Variants in LRP1B observed in about 807,000 individuals in gnomAD.
LRP1B encodes LDL receptor related protein 1B.
Under a neutral mutation model 556.6 loss-of-function variants are expected in LRP1B, and 217 were observed. The observed-to-expected ratio is 0.39, with a 90% CI of 0.35 to 0.44. The LOEUF is 0.44. Among genes scored for constraint, LRP1B ranks in the 20% least tolerant of loss-of-function variants. LRP1B has a pLI of 1.00. For synonymous variants in LRP1B, 2,047 were observed against 1,865.8 expected, an observed-to-expected ratio of 1.10 and a Z score of -2.50; for missense variants, 5,053 against 5,620.8, an observed-to-expected ratio of 0.90 and a Z score of 3.23.
intron 15 of LRP1B, among the ~76,000 whole-genome samples, chr2:140,995,734 G>A: frequency 6.6e-6 from 1 of 152,002 alleles, no homozygotes; most frequent in East Asian, 1.9e-4. Context: ...GTTCTAGAAG[G>A]ATTATGTTAA....
At chr2:140,769,095 C>T (rs912726933) in intron 35 of LRP1B, 118 bp downstream of exon 35, 3 of 911,206 alleles carry the variant, frequency 3.3e-6, no homozygotes, top group Non-Finnish European at 4.9e-6. Flanking sequence ...TATCTATTTG[C>T]TGCTTTCTTA....
Position 140,335,706 on chromosome 2 carries a change from T to C in LRP1B, c.12025A>G (p.Asn4009Asp). The C allele has an allele frequency of 6.2e-7, 1 of 1,612,592 alleles. No individual in the cohort carries two copies. Among genetic ancestry groups the C allele is most frequent in the Non-Finnish European group, 8.5e-7 (1 of 1,178,910 alleles). ...TTGGGGCCATTCAGCTGCCCTACGT[T>C]GATAGAGTACCTCAGACTGGTCCAG... ...THWTSLRYSINVGQLNGPNCT... is the reference protein window; with the variant it reads ...THWTSLRYSIDVGQLNGPNCT... Residue 4009 changes from asparagine (N) to aspartate (D), a missense_variant, in exon 78 of 91, where the codon AAC (asparagine) becomes GAC (aspartate). Coordinates refer to ENST00000389484, the MANE Select transcript of LRP1B (RefSeq NM_018557.3).
intron 43 of LRP1B, among the ~76,000 whole-genome samples, chr2:140,556,110 G>A (rs1446690151): frequency 6.6e-6 from 1 of 151,918 alleles, no homozygotes; most frequent in Non-Finnish European, 1.5e-5. Flanking sequence ...GTCTCCAACG[G>A]GGCTCAGGAC....
At chr2:141,736,113 G>C (rs1258971525) in intron 2 of LRP1B, among the ~76,000 whole-genome samples, 1 of 152,068 alleles carries the variant, frequency 6.6e-6, no homozygotes, top group East Asian at 1.9e-4. Context: ...AAAGAATAGA[G>C]GCTAAGTGAC....
At chr2:141,432,599 CTT>C (rs1680600997) in intron 3 of LRP1B, among the ~76,000 whole-genome samples, 1 of 106,912 alleles carries the variant, frequency 9.4e-6, no homozygotes, top group African/African-American at 3.2e-5. Context: ...AATTCAACCT[CTT>C]TAGTCTATTC....
At chr2:141,156,293 C>T (rs1001325325) in intron 7 of LRP1B, among the ~76,000 whole-genome samples, 7 of 152,108 alleles carry the variant, frequency 4.6e-5, no homozygotes, top group African/African-American at 1.2e-4. Context: ...CGATCCCTCT[C>T]AAGTGTCAGT....
chr2:141,963,000 T>A (rs961048800), intron 1 of LRP1B, among the ~76,000 whole-genome samples: 18 of 151,872 alleles, frequency 1.2e-4, no homozygotes, highest in Non-Finnish European at 2.1e-4. Flanking sequence ...ATACTTTTTT[T>A]AATCTAAAAT....
intron 77 of LRP1B, among the ~76,000 whole-genome samples, chr2:140,337,965 A>G (rs1231194694): frequency 6.6e-6 from 1 of 151,748 alleles, no homozygotes; most frequent in Non-Finnish European, 1.5e-5. Context: ...ATTTAGTGAT[A>G]CTTTTTCAAG....
intron 3 of LRP1B, among the ~76,000 whole-genome samples, chr2:141,440,198 G>A (rs1282853394): frequency 1.3e-5 from 2 of 152,190 alleles, no homozygotes; most frequent in African/African-American, 4.8e-5. Flanking sequence ...GCAAAGGCGA[G>A]GAGTGACATA....
chr2:141,076,233 C>T (rs776632699), intron 7 of LRP1B, among the ~76,000 whole-genome samples: 18 of 152,170 alleles, frequency 1.2e-4, no homozygotes, highest in Non-Finnish European at 2.5e-4. Flanking sequence ...GTCCTCACTC[C>T]ACTGGCAAAA....
At chr2:140,442,364 G>C (rs1686466964) in intron 66 of LRP1B, 140 bp downstream of exon 66, 1 of 1,066,310 alleles carries the variant, frequency 9.4e-7, no homozygotes, top group Non-Finnish European at 1.3e-6. Context: ...AAGTTTTTAT[G>C]AATCTGTGAA....
At position 141,936,054 on chromosome 2, in the gene LRP1B, G is replaced by A. The variant is rs564898403; in HGVS notation, c.83-125653C>T. Among the ~76,000 whole-genome samples, 424 of 152,166 alleles carry A rather than the reference G, an allele frequency of 2.8e-3. 1 individual carries two copies. The highest frequency in any genetic ancestry group is 4.8e-3 in the Non-Finnish European group (325 of 67,984). On this transcript the variant is annotated intron_variant, in intron 1 of 90. Transcript: ENST00000389484. ...TGTTAATAACACTGTAGCAAAAAAA[G>A]GAGTGGAAAGGAATTTCTCTAAACA...
chr2:140,850,082 A>T lies in LRP1B; in HGVS notation c.4939+20T>A. 1 of 1,440,290 alleles carries T rather than the reference A, an allele frequency of 6.9e-7. No homozygotes were observed. Among genetic ancestry groups the T allele is most frequent in the Non-Finnish European group, 9.7e-7 (1 of 1,026,074 alleles). 89.2% of individuals were successfully genotyped at this position (1,440,290 alleles called of 1,614,324 possible). A position where few individuals can be genotyped will look rare whatever the true frequency, so the allele number is the denominator to read the frequency against. On this transcript the variant is annotated intron_variant, in intron 29 of 90. Transcript: ENST00000389484. Reference sequence around the variant, plus strand: ...GAATAACAAACACTTTTAAAGTTGTAACATGTACGAATCTTTTACCTCTTG... The same window carrying T: ...GAATAACAAACACTTTTAAAGTTGTTACATGTACGAATCTTTTACCTCTTG...
At position 140,989,482 on chromosome 2, in the gene LRP1B, T is replaced by A. The variant is rs144901601; in HGVS notation, c.2770+50A>T. The A allele has an allele frequency of 3.1e-3, 5,000 of 1,604,432 alleles. 17 individuals are homozygous for A. Among genetic ancestry groups the A allele is most frequent in the Non-Finnish European group, 3.9e-3 (4,624 of 1,174,438 alleles). On this transcript the variant is annotated intron_variant, in intron 17 of 90. Transcript: ENST00000389484. ...TCAAAGCATTTACTTGCATTTTTAT[T>A]AAGACTAACTTTGGAGGAGATTTAC... is the stretch of plus-strand genomic sequence containing the variant.
intron 3 of LRP1B, among the ~76,000 whole-genome samples, chr2:141,329,650 A>AAAAAAAAACAAAAC (rs1553497005): frequency 0.025 from 1,011 of 40,466 alleles, 13 homozygotes; most frequent in African/African-American, 0.11. Context: ...TCTCAAAAAA[A>AAAAAAAAACAAAAC]AAAAAAAAAA....
intron 43 of LRP1B, among the ~76,000 whole-genome samples, chr2:140,591,205 G>A (rs1423838569): frequency 6.6e-6 from 1 of 152,124 alleles, no homozygotes; most frequent in Non-Finnish European, 1.5e-5. Flanking sequence ...ACAACAAAAC[G>A]TCCGATATCC....
chr2:140,785,374 C>A (rs1217765355), intron 32 of LRP1B, among the ~76,000 whole-genome samples: 1 of 152,034 alleles, frequency 6.6e-6, no homozygotes, highest in African/African-American at 2.4e-5. Flanking sequence ...TCCTGCGTGA[C>A]AATGATTAGA....
At chr2:142,043,290 G>A (rs901757092) in intron 1 of LRP1B, among the ~76,000 whole-genome samples, 1 of 151,448 alleles carries the variant, frequency 6.6e-6, no homozygotes, top group African/African-American at 2.4e-5. Flanking sequence ...CAAATTCCTA[G>A]TGCATAGAAT....
At chr2:141,305,595 T>C (rs1418262435) in intron 3 of LRP1B, among the ~76,000 whole-genome samples, 1 of 152,190 alleles carries the variant, frequency 6.6e-6, no homozygotes, top group Non-Finnish European at 1.5e-5. Context: ...TCTCTTGCCC[T>C]ATTGCCCTTG....
Sources: allele counts gnomAD v4.1 joint callset (sites outside exome capture counted in the v4.1 genomes callset), GRCh38; gene constraint gnomAD v4.1.1; transcripts MANE v1.5; gene names NCBI Gene and HGNC (gene_info 2026-07-23, HGNC 2026-07-21).